Variants in RPTOR observed in about 807,000 individuals in gnomAD.
RPTOR encodes regulatory-associated protein of mTOR.
A neutral mutation model predicts 169.9 loss-of-function variants in RPTOR; 21 were observed. The observed-to-expected ratio is 0.12, with a 90% CI of 0.09 to 0.18. The LOEUF (loss-of-function observed/expected upper bound fraction) is 0.18, where lower values mean the gene tolerates loss of function less well. Ranked by LOEUF, RPTOR falls within the 10% of genes least tolerant of loss-of-function variation. The probability of loss-of-function intolerance (pLI) is 1.00; values close to 1 mark genes in which losing one functional copy is unlikely to be tolerated. For synonymous variants in RPTOR, 732 were observed against 753.2 expected (o/e 0.97, Z 0.46); for missense variants, 1,133 against 1,855.9 (o/e 0.61, Z 7.16).
At position 80,965,041 on chromosome 17, in the gene RPTOR, TCA is replaced by T. The variant is rs2069408306; in HGVS notation, c.*716_*717del. On this transcript the variant is annotated 3_prime_UTR_variant, in exon 34 of 34. Transcript: ENST00000306801. ...CTCTGGACTCCAGTTTTGGCCCCTC[TCA>T]CACAGAGCTGTCAGCAGGGGCCGCT... 1 of 233,224 alleles carries T rather than the reference TCA, an allele frequency of 4.3e-6. No homozygotes were observed. The highest frequency in any genetic ancestry group is 2.2e-5 in the African/African-American group (1 of 45,332). 14.4% of individuals were successfully genotyped at this position (233,224 alleles called of 1,614,324 possible).
chr17:80,924,655 A>T (rs2068789699), intron 23 of RPTOR, among the ~76,000 whole-genome samples: 1 of 151,544 alleles, frequency 6.6e-6, no homozygotes. Context: ...CAGCTCACCC[A>T]CCCGACCCCC....
chr17:80,700,776 AGAT>A (rs748421520), intron 3 of RPTOR, among the ~76,000 whole-genome samples: 2 of 1,494 alleles, frequency 1.3e-3, no homozygotes, highest in East Asian at 0.017. Context: ...GTGATGGTAG[AGAT>A]GATGATGGTG....
intron 7 of RPTOR, among the ~76,000 whole-genome samples, chr17:80,806,226 T>C (rs2067217562): frequency 6.6e-6 from 1 of 152,226 alleles, no homozygotes; most frequent in South Asian, 2.1e-4. Flanking sequence ...CCTGAGCCAG[T>C]ATATCCTCCT....
chr17:80,864,932 ATCC>A (rs2067969811), intron 13 of RPTOR, among the ~76,000 whole-genome samples: 1 of 152,248 alleles, frequency 6.6e-6, no homozygotes, highest in Non-Finnish European at 1.5e-5. Flanking sequence ...GGCTCAAGCC[ATCC>A]TCCTGCCTCA....
intron 3 of RPTOR, among the ~76,000 whole-genome samples, chr17:80,680,317 G>A (rs2065888767): frequency 6.6e-6 from 1 of 152,162 alleles, no homozygotes; most frequent in Non-Finnish European, 1.5e-5. Context: ...TGATGGTGCT[G>A]TGCCTCTGAA....
intron 13 of RPTOR, among the ~76,000 whole-genome samples, chr17:80,874,671 C>A (rs1022835610): frequency 3.9e-5 from 6 of 152,152 alleles, no homozygotes; most frequent in African/African-American, 1.4e-4. Flanking sequence ...AAACAGAAAT[C>A]CCTGCTTCGG....
chr17:80,602,389 C>A (rs2065195267), intron 1 of RPTOR, among the ~76,000 whole-genome samples: 1 of 63,152 alleles, frequency 1.6e-5, no homozygotes, highest in South Asian at 3.6e-4. Flanking sequence ...CCCCCACCTC[C>A]CTCCCGGACG....
intron 3 of RPTOR, among the ~76,000 whole-genome samples, chr17:80,684,680 C>T (rs915106157): frequency 4.6e-5 from 7 of 152,072 alleles, no homozygotes; most frequent in African/African-American, 4.8e-5. Flanking sequence ...CTCCTGACCT[C>T]GTGATCCACC....
Position 80,845,282 on chromosome 17 carries a change from G to T in RPTOR, c.1213-1191G>T, listed in dbSNP as rs549535640. ...CCGGTGTGGCCCACGGAGAACTCGTGTCACCCCCTCGAGGGGCCCTGATGC... is the reference window on the plus strand; with the variant it reads ...CCGGTGTGGCCCACGGAGAACTCGTTTCACCCCCTCGAGGGGCCCTGATGC... On this transcript the variant is annotated intron_variant, in intron 10 of 33. Coordinates refer to ENST00000306801, the MANE Select transcript of RPTOR (RefSeq NM_020761.3). The surrounding 1 kb of genome is among the most constrained non-coding windows in gnomAD (Gnocchi z 5.4). Among the ~76,000 whole-genome samples, 2 of 152,240 alleles carry T rather than the reference G, an allele frequency of 1.3e-5. No homozygotes were observed. The highest frequency in any genetic ancestry group is 3.9e-4 in the East Asian group (2 of 5,160).
intron 9 of RPTOR, among the ~76,000 whole-genome samples, chr17:80,826,810 A>G (rs889774156): frequency 1.3e-5 from 2 of 152,230 alleles, no homozygotes; most frequent in South Asian, 4.1e-4. Context: ...TGTGGGCTCC[A>G]CCAGCCACAC....
rs891935580 is a variant in RPTOR at position 80,966,170 on chromosome 17, C to T, written c.*1840C>T. ...AGCCCACCCCCATGGGCACCGCGTG[C>T]CGCCTGCACGTGGGCTGTCTTCACA... On this transcript the variant is annotated 3_prime_UTR_variant, in exon 34 of 34. Coordinates refer to ENST00000306801, the MANE Select transcript of RPTOR (RefSeq NM_020761.3). 5 of 190,608 alleles carry T rather than the reference C, an allele frequency of 2.6e-5. No homozygotes were observed. Among genetic ancestry groups the T allele is most frequent in the Admixed American group, 6.4e-5 (1 of 15,600 alleles). The allele number at this position is 190,608 out of a possible 1,614,324, so 11.8% of individuals were successfully genotyped here. A position where few individuals can be genotyped will look rare whatever the true frequency, so the allele number is the denominator to read the frequency against.
Position 80,831,563 on chromosome 17 carries a change from C to T in RPTOR, c.1137-6359C>T, listed in dbSNP as rs548964035. On this transcript the variant is annotated intron_variant, in intron 9 of 33. Coordinates refer to ENST00000306801, the MANE Select transcript of RPTOR (RefSeq NM_020761.3). ...AGTCCTTGCTGCTCGTGATGAATTT[C>T]ATGCATGACTTTATCACTGTCCATC... Among the ~76,000 whole-genome samples the T allele has an allele frequency of 4.6e-5, 7 of 152,352 alleles. 1 individual carries two copies. In the South Asian group the frequency reaches 1.4e-3, roughly 32 times the overall value.
At chr17:80,837,447 C>T (rs1212540521) in intron 9 of RPTOR, among the ~76,000 whole-genome samples, 6 of 152,168 alleles carry the variant, frequency 3.9e-5, no homozygotes, top group Admixed American at 2.6e-4. Flanking sequence ...GACTGCATGC[C>T]GACCCCTCCT....
At chr17:80,641,983 G>A (rs1450936760) in intron 2 of RPTOR, among the ~76,000 whole-genome samples, 1 of 152,120 alleles carries the variant, frequency 6.6e-6, no homozygotes, top group Admixed American at 6.5e-5. Context: ...GTTGGCAGAT[G>A]TTTTCTGGAA....
chr17:80,822,564 G>T (rs1229241497), intron 8 of RPTOR, among the ~76,000 whole-genome samples: 1 of 152,224 alleles, frequency 6.6e-6, no homozygotes, highest in Admixed American at 6.5e-5. Flanking sequence ...CCCTTACTGC[G>T]CACCGGCGGC....
At chr17:80,899,003 C>T (rs1160434477) in intron 20 of RPTOR, among the ~76,000 whole-genome samples, 1 of 152,026 alleles carries the variant, frequency 6.6e-6, no homozygotes, top group Admixed American at 6.6e-5. Context: ...CTGGATAGAA[C>T]GAGTCCAGAG....
chr17:80,837,828 C>T, intron 9 of RPTOR, 94 bp from the exon 10 acceptor site: 1 of 1,211,342 alleles, frequency 8.3e-7, no homozygotes, highest in Non-Finnish European at 1.2e-6. Flanking sequence ...CCCTTGCTGC[C>T]CAGGCTCAGC....
At chr17:80,910,743 C>T (rs556662232) in intron 21 of RPTOR, among the ~76,000 whole-genome samples, 2 of 152,250 alleles carry the variant, frequency 1.3e-5, no homozygotes, top group African/African-American at 2.4e-5. Context: ...TATTATACTT[C>T]TGTGGCTTTC....
intron 30 of RPTOR, 63 bp from the exon 31 acceptor site, chr17:80,961,331 G>T (rs1054655084): frequency 6.8e-7 from 1 of 1,461,700 alleles, no homozygotes; most frequent in African/African-American, 1.4e-5. Context: ...CCCGGTGAGA[G>T]CCCCGAAGGG....
Sources: gnomAD v4.1 joint callset for allele counts (sites outside exome capture counted in the v4.1 genomes callset) on GRCh38, gnomAD v4.1.1 for gene constraint, Gnocchi (gnomAD v3.1) non-coding constraint, MANE v1.5 for transcripts, NCBI Gene and HGNC (gene_info 2026-07-23, HGNC 2026-07-21) for gene names.